The following DCDC2 variants were observed in gnomAD, a reference collection of about 807,000 sequenced individuals.
The protein encoded by DCDC2 is doublecortin domain containing 2.
DCDC2 carries 40 observed loss-of-function variants against 50.2 expected under a neutral mutation model. That is an observed-to-expected ratio of 0.80 (90% CI 0.62 to 1.04). The LOEUF is 1.04. Among genes scored for constraint, DCDC2 ranks in the 50% least tolerant of loss-of-function variants. The pLI is 0.00. For missense variants in DCDC2, 570 were observed against 581.9 expected, an observed-to-expected ratio of 0.98 and a Z score of 0.21; for synonymous variants, 234 against 210.6, an observed-to-expected ratio of 1.11 and a Z score of -0.96.
At chr6:24,274,605 C>CAAAAAAAAAAAAAA (rs61569208) in intron 7 of DCDC2, among the ~76,000 whole-genome samples, 5 of 82,402 alleles carry the variant, frequency 6.1e-5, no homozygotes, top group African/African-American at 2.3e-4. Flanking sequence ...GAAACAGAGT[C>CAAAAAAAAAAAAAA]AAAAAAAAAA....
At chr6:24,305,751 G>A (rs1759458979) in intron 2 of DCDC2, among the ~76,000 whole-genome samples, 1 of 152,072 alleles carries the variant, frequency 6.6e-6, no homozygotes, top group African/African-American at 2.4e-5. Context: ...TTCAGGCCAG[G>A]TGCAGTGGCT....
intron 7 of DCDC2, among the ~76,000 whole-genome samples, chr6:24,244,190 T>C (rs756550661): frequency 6.6e-6 from 1 of 152,152 alleles, no homozygotes; most frequent in Non-Finnish European, 1.5e-5. Flanking sequence ...AAATAGACTA[T>C]GCAGCGACTC....
At chr6:24,377,420 C>G in the DCDC2 span, among the ~76,000 whole-genome samples, 1 of 152,144 alleles carries the variant, frequency 6.6e-6, no homozygotes, top group East Asian at 1.9e-4. Flanking sequence ...CACATTCCAA[C>G]CCATTCATCA....
intron 2 of DCDC2, among the ~76,000 whole-genome samples, chr6:24,343,997 C>T (rs569474477): frequency 6.6e-6 from 1 of 152,232 alleles, no homozygotes; most frequent in East Asian, 1.9e-4. Flanking sequence ...ACTCATTTAG[C>T]AATTTTCAAA....
At chr6:24,268,259 G>A (rs1024551475) in intron 7 of DCDC2, among the ~76,000 whole-genome samples, 3 of 152,184 alleles carry the variant, frequency 2.0e-5, no homozygotes, top group African/African-American at 7.2e-5. Context: ...GGCTGAGGCA[G>A]ATGGATCAGC....
intron 7 of DCDC2, among the ~76,000 whole-genome samples, chr6:24,212,018 G>C (rs76434839): frequency 0.038 from 5,713 of 152,258 alleles, 240 homozygotes; most frequent in African/African-American, 0.1. Flanking sequence ...TGAGCGGCAG[G>C]TGAGTGAGAA....
rs373696568 is a variant in DCDC2, at chr6:24,215,084, C to T, written c.923-9982G>A. Among the ~76,000 whole-genome samples the T allele has an allele frequency of 8.9e-4, 135 of 152,082 alleles. No individual in the cohort carries two copies. In the South Asian group the frequency reaches 0.027, roughly 30 times the overall value. ...CGCATAGCATGCAAGTCTATGTAAGCTGTTAAGACAGTGCATAAAGTAGGA... is the reference window on the plus strand; with the variant it reads ...CGCATAGCATGCAAGTCTATGTAAGTTGTTAAGACAGTGCATAAAGTAGGA... On this transcript the variant is annotated intron_variant, in intron 7 of 9. Coordinates refer to ENST00000378454, the MANE Select transcript of DCDC2 (RefSeq NM_016356.5).
intron 9 of DCDC2, among the ~76,000 whole-genome samples, chr6:24,175,802 A>G (rs1316800383): frequency 6.6e-6 from 1 of 152,228 alleles, no homozygotes; most frequent in African/African-American, 2.4e-5. Context: ...TTTTATTAGT[A>G]GACAGTCCTT....
At chr6:24,208,280 G>C (rs1761768257) in intron 7 of DCDC2, among the ~76,000 whole-genome samples, 1 of 150,762 alleles carries the variant, frequency 6.6e-6, no homozygotes, top group African/African-American at 2.4e-5. Flanking sequence ...TTACTCAGCT[G>C]TCAATGTTTC....
chr6:24,206,051 T>C (rs1443356893), intron 7 of DCDC2, among the ~76,000 whole-genome samples: 4 of 152,232 alleles, frequency 2.6e-5, no homozygotes, highest in Non-Finnish European at 5.9e-5. Flanking sequence ...TTTATTTCTC[T>C]AATGGAAGCT....
the DCDC2 span, among the ~76,000 whole-genome samples, chr6:24,379,017 C>A: frequency 6.7e-6 from 1 of 150,248 alleles, no homozygotes; most frequent in Non-Finnish European, 1.5e-5. Flanking sequence ...AACTGGATCC[C>A]TTCCTTACAC....
At chr6:24,382,485 G>T in the DCDC2 span, among the ~76,000 whole-genome samples, 4 of 152,010 alleles carry the variant, frequency 2.6e-5, no homozygotes, top group African/African-American at 9.7e-5. Context: ...CTATGATTTG[G>T]CTTGCTGCCC....
intron 6 of DCDC2, among the ~76,000 whole-genome samples, chr6:24,288,509 T>C (rs972342945): frequency 6.6e-6 from 1 of 152,242 alleles, no homozygotes; most frequent in Non-Finnish European, 1.5e-5. Flanking sequence ...ACTTCCCTTT[T>C]AGTCTTCGTT....
At chr6:24,287,326 CTTTG>C (rs1274996857) in intron 6 of DCDC2, among the ~76,000 whole-genome samples, 1 of 150,866 alleles carries the variant, frequency 6.6e-6, no homozygotes, top group African/African-American at 2.4e-5. Flanking sequence ...CAGTAGGAGC[CTTTG>C]TTTGTATTGT....
chr6:24,238,369 G>A (rs569617572), intron 7 of DCDC2, among the ~76,000 whole-genome samples: 90 of 151,110 alleles, frequency 6.0e-4, no homozygotes, highest in South Asian at 1.1e-3. Context: ...CACGATCTTG[G>A]CTCACTGCAA....
intron 7 of DCDC2, among the ~76,000 whole-genome samples, chr6:24,264,472 T>C (rs1161315357): frequency 6.6e-6 from 1 of 151,756 alleles, no homozygotes; most frequent in Non-Finnish European, 1.5e-5. Flanking sequence ...TGTTTAAAAG[T>C]TGGATGAGGT....
intron 2 of DCDC2, among the ~76,000 whole-genome samples, chr6:24,329,362 T>G (rs1759928514): frequency 6.6e-6 from 1 of 152,172 alleles, no homozygotes; most frequent in Non-Finnish European, 1.5e-5. Context: ...AGTATCAATA[T>G]TAAGAAGAAA....
At chr6:24,294,319 C>A (rs989845574) in intron 4 of DCDC2, among the ~76,000 whole-genome samples, 3 of 151,976 alleles carry the variant, frequency 2.0e-5, no homozygotes, top group Non-Finnish European at 4.4e-5. Flanking sequence ...CATGCCACTG[C>A]ACTTTAGCCT....
intron 7 of DCDC2, among the ~76,000 whole-genome samples, chr6:24,225,221 A>T (rs562614432): frequency 6.6e-5 from 10 of 152,252 alleles, no homozygotes; most frequent in African/African-American, 2.2e-4. Context: ...TGCTTTTTTT[A>T]AATTTCAAGA....
Sources: gnomAD v4.1 joint callset for allele counts (sites outside exome capture counted in the v4.1 genomes callset) on GRCh38, gnomAD v4.1.1 for gene constraint, MANE v1.5 for transcripts, NCBI Gene and HGNC (gene_info 2026-07-23, HGNC 2026-07-21) for gene names.